ASPM: variants seen among roughly 807,000 people sequenced by gnomAD.
The protein encoded by ASPM is abnormal spindle-like microcephaly-associated protein.
ASPM carries 256 observed loss-of-function variants against 366.4 expected under a neutral mutation model. The ratio of observed to expected loss-of-function variants is 0.70; its 90% CI spans 0.63 to 0.77. The LOEUF is 0.77. Among genes scored for constraint, ASPM ranks in the 30% least tolerant of loss-of-function variants. The pLI, the probability that ASPM is intolerant of heterozygous loss-of-function variation, is 0.00. For missense variants in ASPM, 4,146 were observed against 4,090.4 expected, an observed-to-expected ratio of 1.01 and a Z score of -0.37; for synonymous variants, 1,414 against 1,342.9, an observed-to-expected ratio of 1.05 and a Z score of -1.16.
Position 197,142,471 on chromosome 1 carries a change from G to A in ASPM, c.1781C>T (p.Thr594Ile). Residue 594 changes from threonine to isoleucine, a missense_variant, in exon 3 of 28, where the codon ACA becomes ATA. By Grantham distance (89) the Thr-to-Ile change is moderately conservative. Around this residue, in one of 3 missense-constraint regions of ASPM, gnomAD observed 3,624 missense variants for 3,591.7 expected, o/e 1.01. Transcript: ENST00000367409. ...ANVRVAITEH[T>I]EVREIKRIHF... ...GATTCTTTTGATTTCTCGCACTTCTGTATGTTCTGTAATTGCAACTCTCAC... is the reference window on the plus strand; with the variant it reads ...GATTCTTTTGATTTCTCGCACTTCTATATGTTCTGTAATTGCAACTCTCAC... 1 of 1,613,972 alleles carries A rather than the reference G, an allele frequency of 6.2e-7. No individual in the cohort carries two copies. The highest frequency in any genetic ancestry group is 8.5e-7 in the Non-Finnish European group (1 of 1,179,862).
rs1182140865 is a variant in ASPM, at chr1:197,105,095, C to A, written c.4156G>T (p.Ala1386Ser). ...ILQSRIRMII[A>S]VTSYKRYLWA... ...AGATATCGTTTATAAGATGTAACAG[C>A]AATTATCATTCTTATCCTAGATTGC... The change falls in exon 18 of 28, where the codon GCT (alanine) becomes TCT (serine). Residue 1386 changes from alanine to serine, a missense_variant. Around this residue, in one of 3 missense-constraint regions of ASPM, gnomAD observed 3,624 missense variants for 3,591.7 expected, o/e 1.01. Transcript: ENST00000367409. 1 of 1,608,838 alleles carries A rather than the reference C, an allele frequency of 6.2e-7. No individual in the cohort carries two copies. Among genetic ancestry groups the A allele is most frequent in the Non-Finnish European group, 8.5e-7 (1 of 1,176,144 alleles).
intron 17 of ASPM, among the ~76,000 whole-genome samples, chr1:197,116,035 T>C (rs1296505817): frequency 6.6e-6 from 1 of 152,208 alleles, no homozygotes; most frequent in Non-Finnish European, 1.5e-5. Context: ...TAGAAGTCTG[T>C]TTTGTCTAGA....
rs1657309707 is a variant in ASPM at position 197,104,036 on chromosome 1, C to T, written c.5215G>A (p.Val1739Ile). The change falls in exon 18 of 28, where the codon GTT becomes ATT. Residue 1739 changes from valine to isoleucine, a missense_variant. Val to Ile is a conservative substitution (Grantham distance 29). Transcript: ENST00000367409. ...RESCIKLQAF[V>I]RGYLVRKQMR... ...TGCTTTCGGACAAGGTATCCTCTAA[C>T]AAATGCTTGCAGTTTGATACAAGAT... The T allele has an allele frequency of 6.2e-7, 1 of 1,612,822 alleles. No individual in the cohort carries two copies. Among genetic ancestry groups the T allele is most frequent in the East Asian group, 2.2e-5 (1 of 44,836 alleles).
At chr1:197,121,309 G>A (rs913893369) in intron 16 of ASPM, among the ~76,000 whole-genome samples, 6 of 151,960 alleles carry the variant, frequency 3.9e-5, no homozygotes, top group Non-Finnish European at 8.8e-5. Context: ...TGAAATTTTT[G>A]TACTATTGGG....
chr1:197,084,455 T>A, intron 27 of ASPM, 29 bp from the exon 28 acceptor site: 2 of 1,412,136 alleles, frequency 1.4e-6, no homozygotes, highest in Non-Finnish European at 2.0e-6. Context: ...AAGTCTGGCA[T>A]TAATAAAGTT....
chr1:197,088,468 A>G, intron 25 of ASPM, 36 bp from the exon 26 acceptor site: 1 of 1,546,932 alleles, frequency 6.5e-7, no homozygotes, highest in East Asian at 2.3e-5. Context: ...AAGTTGTAAT[A>G]AACACATACA....
intron 4 of ASPM, chr1:197,139,191 C>T: frequency 1.0e-6 from 1 of 963,638 alleles, no homozygotes. Context: ...AACGAAGTCA[C>T]AGTGATTTTC....
At position 197,104,644 on chromosome 1, in the gene ASPM, TG is replaced by T. The variant is rs1571602542; in HGVS notation, c.4606del (p.Gln1536ArgfsTer16). On this transcript the variant is annotated frameshift_variant, in exon 18 of 28. Coordinates refer to ENST00000367409, the MANE Select transcript of ASPM (RefSeq NM_018136.5). LOFTEE classifies it high-confidence loss of function. The part of the protein sequence containing the change: ...KGKIERTNYL[Q>X]KRAAAIQLQA... The stretch of plus-strand genomic sequence containing the variant: ...TAATTGAATGGCTGCAGCTCGTTTC[TG>T]CAAATAGTTGGTGCGCTCAATCTTT... 1.2e-6 allele frequency: 2 copies of T among 1,613,050 alleles called. No homozygotes were observed. The highest frequency in any genetic ancestry group is 2.7e-5 in the African/African-American group (2 of 74,858).
At chr1:197,138,084 C>G (rs1658474693) in intron 4 of ASPM, among the ~76,000 whole-genome samples, 1 of 152,150 alleles carries the variant, frequency 6.6e-6, no homozygotes, top group African/African-American at 2.4e-5. Context: ...CCTCAAGCTT[C>G]TATTTAGATA....
intron 17 of ASPM, among the ~76,000 whole-genome samples, chr1:197,111,052 C>G (rs1055687146): frequency 6.6e-6 from 1 of 151,964 alleles, no homozygotes; most frequent in Non-Finnish European, 1.5e-5. Flanking sequence ...ACAAAGTCCC[C>G]AAAAGCAATT....
intron 20 of ASPM, 114 bp from the exon 21 acceptor site, chr1:197,093,375 G>A (rs1437639761): frequency 1.1e-6 from 1 of 879,598 alleles, no homozygotes; most frequent in Non-Finnish European, 1.9e-6. Context: ...TATAGTCTAA[G>A]AATGCCATGT....
In ASPM at chr1:197,102,266, T is replaced by C; in HGVS notation, c.6985A>G (p.Lys2329Glu). The change falls in exon 18 of 28, where the codon AAA (lysine) becomes GAA (glutamate). Residue 2329 changes from lysine (K) to glutamate (E), a missense_variant. By Grantham distance (56) the Lys-to-Glu change is moderately conservative. Around this residue, in one of 3 missense-constraint regions of ASPM, gnomAD observed 3,624 missense variants for 3,591.7 expected, o/e 1.01. Transcript: ENST00000367409. The stretch of plus-strand genomic sequence containing the variant: ...GCCCTGTGCATCTCTCGCATCCTTT[T>C]CCTTATCATCCATCTTCTGTATGAT... ...QSSYRRWMIR[K>E]RMREMHRAAT... 1 of 1,612,904 alleles carries C rather than the reference T, an allele frequency of 6.2e-7. No individual in the cohort carries two copies. Among genetic ancestry groups the C allele is most frequent in the African/African-American group, 1.3e-5 (1 of 74,920 alleles).
In ASPM at chr1:197,142,569, C is replaced by G. The variant is rs1270925805; in HGVS notation, c.1683G>C (p.Glu561Asp). 12 of 1,613,796 alleles carry G rather than the reference C, an allele frequency of 7.4e-6. No individual in the cohort carries two copies. The Admixed American group carries it at 1.7e-4, about 22-fold the overall frequency. The change falls in exon 3 of 28, where the codon GAG (glutamate) becomes GAC (aspartate). Residue 561 changes from glutamate (E) to aspartate (D), a missense_variant. Physicochemically the swap from Glu to Asp is conservative, Grantham distance 45 (BLOSUM62 2). Coordinates refer to ENST00000367409, the MANE Select transcript of ASPM (RefSeq NM_018136.5). ...ILSKSKSYKN[E>D]VTPSSTTASV... is the part of the protein sequence containing the mutation. The stretch of plus-strand genomic sequence containing the variant: ...AAGCTGTTGTCGAAGAGGGTGTTAC[C>G]TCGTTTTTATAACTCTTAGATTTAC...
chr1:197,128,664 G>T lies in ASPM; in HGVS notation c.2762C>A (p.Ala921Asp). ...AAAAGCCAAAAGGATTTCTTTACTA[G>T]CCTATAAAGAAATAAGTTCCAGATA... Reference protein sequence around the residue: ...CLFCKDAEFKASKEILLAFSR... With the variant: ...CLFCKDAEFKDSKEILLAFSR... Residue 921 changes from alanine to aspartate, a missense_variant and splice_region_variant, in exon 10 of 28, where the codon GCT (alanine) becomes GAT (aspartate). Ala to Asp is a moderately radical substitution (Grantham distance 126). Around this residue, in one of 3 missense-constraint regions of ASPM, gnomAD observed 3,624 missense variants for 3,591.7 expected, o/e 1.01. Transcript: ENST00000367409. 7 of 1,607,496 alleles carry T rather than the reference G, an allele frequency of 4.4e-6. No homozygotes were observed. The highest frequency in any genetic ancestry group is 6.0e-6 in the Non-Finnish European group (7 of 1,175,138).
chr1:197,130,155 T>C lies in ASPM; in HGVS notation c.2488-99A>G, dbSNP rs143729423. 1,578 of 1,246,234 alleles carry C rather than the reference T, an allele frequency of 1.3e-3. 19 individuals are homozygous for C. In the African/African-American group the frequency reaches 0.021, roughly 17 times the overall value. 77.2% of individuals were successfully genotyped at this position (1,246,234 alleles called of 1,614,324 possible). On this transcript the variant is annotated intron_variant, in intron 7 of 27. Transcript: ENST00000367409. ...AGACCATAACCTAAGGAACTGGCAA[T>C]GTTCTACTTTCTAAATGACATGGTT... is the stretch of plus-strand genomic sequence containing the variant.
rs1658765930 is a variant in ASPM at position 197,146,056 on chromosome 1, A to G, written c.297+85T>C. The G allele has an allele frequency of 9.7e-6, 15 of 1,550,944 alleles. 1 individual carries two copies. In the South Asian group the frequency reaches 1.6e-4, roughly 16 times the overall value. On this transcript the variant is annotated intron_variant, in intron 1 of 27. Coordinates refer to ENST00000367409, the MANE Select transcript of ASPM (RefSeq NM_018136.5). ...AGGGTCTTTTCTGATTTCTTCTCCAATCGTCAACCTTCCTGAGGAGGGTGG... is the reference window on the plus strand; with the variant it reads ...AGGGTCTTTTCTGATTTCTTCTCCAGTCGTCAACCTTCCTGAGGAGGGTGG...
chr1:197,087,634 T>C lies in ASPM; in HGVS notation c.10161+622A>G, dbSNP rs556268581. Reference sequence around the variant, plus strand: ...GTTTCCAAAGTCTTCTACTTACCTCTCAGCGACACAATCCTAAGACAAGCA... The same window carrying C: ...GTTTCCAAAGTCTTCTACTTACCTCCCAGCGACACAATCCTAAGACAAGCA... On this transcript the variant is annotated intron_variant, in intron 26 of 27. Coordinates refer to ENST00000367409, the MANE Select transcript of ASPM (RefSeq NM_018136.5). 2.0e-5 allele frequency among the ~76,000 whole-genome samples: 3 copies of C among 152,302 alleles called. No homozygotes were observed. In the East Asian group the frequency reaches 5.8e-4, roughly 29 times the overall value.
At chr1:197,107,828 T>C (rs1003719373) in intron 17 of ASPM, among the ~76,000 whole-genome samples, 1 of 152,116 alleles carries the variant, frequency 6.6e-6, no homozygotes, top group African/African-American at 2.4e-5. Context: ...AGATGGCAAA[T>C]ATCTCAGCTT....
chr1:197,103,590 G>A lies in ASPM; in HGVS notation c.5661C>T (p.Gly1887=). ...AVISLQSAYR[G]WKVRKQIRRE... ...TTCTAATCTGTTTCCGAACCTTCCA[G>A]CCACGATAAGCAGACTGGAGGGAAA... is the stretch of plus-strand genomic sequence containing the variant. Residue 1887 remains glycine, a synonymous_variant, in exon 18 of 28, where the codon GGC becomes GGT. Coordinates refer to ENST00000367409, the MANE Select transcript of ASPM (RefSeq NM_018136.5). 3 of 1,612,794 alleles carry A rather than the reference G, an allele frequency of 1.9e-6. No individual in the cohort carries two copies. Among genetic ancestry groups the A allele is most frequent in the Non-Finnish European group, 2.5e-6 (3 of 1,179,416 alleles).
Sources: allele counts gnomAD v4.1 joint callset (sites outside exome capture counted in the v4.1 genomes callset), GRCh38; gene constraint gnomAD v4.1.1; regional missense constraint gnomAD v4.1.1; transcripts MANE v1.5; gene names NCBI Gene and HGNC (gene_info 2026-07-23, HGNC 2026-07-21).